Variants in TNFAIP1 observed in about 807,000 individuals in gnomAD.
TNFAIP1 encodes BTB/POZ domain-containing adapter for CUL3-mediated RhoA degradation protein 2.
In TNFAIP1, 20 loss-of-function variants were observed where a neutral mutation model predicts 32.6. The observed-to-expected ratio is 0.61, with a 90% CI of 0.43 to 0.89. TNFAIP1 has a LOEUF of 0.89. TNFAIP1 is among the 40% of genes least tolerant of loss of function. The probability of loss-of-function intolerance (pLI) is 0.00; values close to 1 mark genes in which losing one functional copy is unlikely to be tolerated. For missense variants in TNFAIP1, 319 were observed against 425.1 expected (o/e 0.75, Z 2.20); for synonymous variants, 166 against 166.8 (o/e 1.00, Z 0.04).
In TNFAIP1 at chr17:28,342,851, T is replaced by TA. The variant is rs144697716; in HGVS notation, c.714+410dup. On this transcript the variant is annotated intron_variant, in intron 6 of 6. Transcript: ENST00000226225. The surrounding 1 kb of genome is among the most constrained non-coding windows in gnomAD (Gnocchi z 4.0). ...TGAATTTAACGAGATATGAAAATGATACAACTCTTTGGAGCAGCAGTGTGG... is the reference window on the plus strand; with the variant it reads ...TGAATTTAACGAGATATGAAAATGATAACAACTCTTTGGAGCAGCAGTGTGG... Among the ~76,000 whole-genome samples the TA allele has an allele frequency of 3.4e-3, 519 of 152,324 alleles. 3 individuals are homozygous for TA. The highest frequency in any genetic ancestry group is 0.012 in the African/African-American group (493 of 41,556).
Position 28,342,533 on chromosome 17 carries a change from G to A in TNFAIP1, c.714+91G>A, listed in dbSNP as rs1320729411. 39 of 1,296,866 alleles carry A rather than the reference G, an allele frequency of 3.0e-5. No individual in the cohort carries two copies. Among genetic ancestry groups the A allele is most frequent in the Non-Finnish European group, 3.8e-5 (37 of 966,712 alleles). The allele number at this position is 1,296,866 out of a possible 1,614,324, so 80.3% of individuals were successfully genotyped here. ...GGCTGTGACCAGCACGGAGCAAAAG[G>A]GGCATGGACTTGGCTCTTTTTTCCA... On this transcript the variant is annotated intron_variant, in intron 6 of 6. Coordinates refer to ENST00000226225, the MANE Select transcript of TNFAIP1 (RefSeq NM_021137.5). This position sits in a 1 kb window ranked among gnomAD's most constrained non-coding sequence, Gnocchi z 4.0.
At chr17:28,343,281 C>G (rs1907430235) in intron 6 of TNFAIP1, among the ~76,000 whole-genome samples, 1 of 152,176 alleles carries the variant, frequency 6.6e-6, no homozygotes, top group South Asian at 2.1e-4. Context: ...GGTGGCCCCT[C>G]TCCCCCAGGC....
chr17:28,336,053 G>A (rs1344420786), intron 1 of TNFAIP1, among the ~76,000 whole-genome samples, 197 bp downstream of exon 1: 5 of 152,162 alleles, frequency 3.3e-5, no homozygotes, highest in Non-Finnish European at 4.4e-5. Flanking sequence ...CTAGAGAAGA[G>A]CCCACACCGG....
At chr17:28,341,111 T>A (rs1555578087) in intron 3 of TNFAIP1, 126 bp from the exon 4 acceptor site, 6 of 973,560 alleles carry the variant, frequency 6.2e-6, no homozygotes, top group African/African-American at 1.6e-5. Context: ...AGGGGCCTCA[T>A]GATCTGTATC....
intron 6 of TNFAIP1, among the ~76,000 whole-genome samples, chr17:28,343,518 C>T (rs1907437317): frequency 7.8e-6 from 1 of 128,718 alleles, no homozygotes; most frequent in Non-Finnish European, 1.6e-5. Context: ...GCCCTGCTTC[C>T]TTCTGCGGTT....
chr17:28,336,183 GTCCTTCT>G (rs1222232738), intron 1 of TNFAIP1, among the ~76,000 whole-genome samples: 17 of 152,294 alleles, frequency 1.1e-4, no homozygotes, highest in Non-Finnish European at 2.4e-4. Context: ...GGATTTCTGG[GTCCTTCT>G]TCCTTTTAGA....
chr17:28,338,175 T>C (rs1245793200), intron 1 of TNFAIP1, among the ~76,000 whole-genome samples: 1 of 152,198 alleles, frequency 6.6e-6, no homozygotes, highest in Non-Finnish European at 1.5e-5. Context: ...TCTTGCTATG[T>C]TGCCAAGGCT....
intron 1 of TNFAIP1, chr17:28,336,623 A>T (rs1555577475): frequency 6.6e-6 from 1 of 152,256 alleles, no homozygotes; most frequent in African/African-American, 2.4e-5. Flanking sequence ...GAACTTGCTA[A>T]TACCTGTTAG....
chr17:28,344,521 G>A lies in TNFAIP1; in HGVS notation c.872G>A (p.Arg291His), dbSNP rs539876938. ...GAGGAGACCTTTGAACTGCGGGACC[G>A]TGTCCGCCGCATCCACGTCAAGCGC... ...EDEETFELRD[R>H]VRRIHVKRYS... Residue 291 changes from arginine to histidine, a missense_variant, in exon 7 of 7, where the codon CGT (arginine) becomes CAT (histidine). By Grantham distance (29) the Arg-to-His change is conservative (BLOSUM62 0). Transcript: ENST00000226225. 1.1e-5 allele frequency: 18 copies of A among 1,613,806 alleles called. No individual in the cohort carries two copies. Among genetic ancestry groups the A allele is most frequent in the Admixed American group, 8.3e-5 (5 of 60,028 alleles).
At position 28,341,389 on chromosome 17, in the gene TNFAIP1, T is replaced by C. The variant is rs782537796; in HGVS notation, c.466-15T>C. On this transcript the variant is annotated splice_polypyrimidine_tract_variant and intron_variant, in intron 4 of 6. Coordinates refer to ENST00000226225, the MANE Select transcript of TNFAIP1 (RefSeq NM_021137.5). ...AGTCCCCTGGCCTGGCCCCTCACTC[T>C]GAACTCCTTCACAGCCCGTGGTGAA... is the stretch of plus-strand genomic sequence containing the variant. 1 of 1,614,228 alleles carries C rather than the reference T, an allele frequency of 6.2e-7. No individual in the cohort carries two copies. Among genetic ancestry groups the C allele is most frequent in the South Asian group, 1.1e-5 (1 of 91,090 alleles).
Position 28,346,453 on chromosome 17 carries a change from G to A in TNFAIP1, c.*1853G>A, listed in dbSNP as rs1907570651. On this transcript the variant is annotated 3_prime_UTR_variant, in exon 7 of 7. Coordinates refer to ENST00000226225, the MANE Select transcript of TNFAIP1 (RefSeq NM_021137.5). The stretch of plus-strand genomic sequence containing the variant: ...CAGCTCCCCACTGAGGTGTTGTGAT[G>A]CTTGCCTTTTGACCTCCCCATCCCC... The A allele has an allele frequency of 6.6e-6, 1 of 152,162 alleles. No individual in the cohort carries two copies. Among genetic ancestry groups the A allele is most frequent in the African/African-American group, 2.4e-5 (1 of 41,412 alleles). 9.4% of individuals were successfully genotyped at this position (152,162 alleles called of 1,614,324 possible).
chr17:28,342,616 C>T lies in TNFAIP1; in HGVS notation c.714+174C>T, dbSNP rs1270334189. 1.2e-5 allele frequency: 7 copies of T among 597,300 alleles called. No individual in the cohort carries two copies. The highest frequency in any genetic ancestry group is 1.9e-5 in the Non-Finnish European group (7 of 368,550). The allele number at this position is 597,300 out of a possible 1,614,324, so 37.0% of individuals were successfully genotyped here. A position where few individuals can be genotyped will look rare whatever the true frequency, so the allele number is the denominator to read the frequency against. Reference sequence around the variant, plus strand: ...CAGAACAAGGGGTGTGGGGAATGGACGGGAACTGCTTTGTTCCTGACAGCG... The same window carrying T: ...CAGAACAAGGGGTGTGGGGAATGGATGGGAACTGCTTTGTTCCTGACAGCG... On this transcript the variant is annotated intron_variant, in intron 6 of 6. Coordinates refer to ENST00000226225, the MANE Select transcript of TNFAIP1 (RefSeq NM_021137.5). This position sits in a 1 kb window ranked among gnomAD's most constrained non-coding sequence, Gnocchi z 4.0.
chr17:28,338,200 G>A (rs1907240947), intron 1 of TNFAIP1, among the ~76,000 whole-genome samples: 1 of 152,114 alleles, frequency 6.6e-6, no homozygotes, highest in African/African-American at 2.4e-5. Context: ...TTGACTCCTG[G>A]GCTCAAGAGA....
chr17:28,344,481 T>TC lies in TNFAIP1; in HGVS notation c.837dup (p.Ser280GlnfsTer2). ...CACAAGCCGTAGCCGCAGCCAGGCT[T>TC]CCCCCAGTGAAGATGAGGAGACCTT... On this transcript the variant is annotated frameshift_variant, in exon 7 of 7. Coordinates refer to ENST00000226225, the MANE Select transcript of TNFAIP1 (RefSeq NM_021137.5). LOFTEE classifies it high-confidence loss of function. 2 of 1,613,742 alleles carry TC rather than the reference T, an allele frequency of 1.2e-6. No homozygotes were observed. Among genetic ancestry groups the TC allele is most frequent in the Non-Finnish European group, 1.7e-6 (2 of 1,179,972 alleles).
chr17:28,344,673 C>T lies in TNFAIP1; in HGVS notation c.*73C>T. 1 of 1,455,066 alleles carries T rather than the reference C, an allele frequency of 6.9e-7. No individual in the cohort carries two copies. The highest frequency in any genetic ancestry group is 1.7e-5 in the Admixed American group (1 of 59,000). 90.1% of individuals were successfully genotyped at this position (1,455,066 alleles called of 1,614,324 possible). A position where few individuals can be genotyped will look rare whatever the true frequency, so the allele number is the denominator to read the frequency against. Reference sequence around the variant, plus strand: ...GTGGAACCCGCCCCATTGGCCACCCCATGCTGCTGCTGCCTGGGTCTCTGC... The same window carrying T: ...GTGGAACCCGCCCCATTGGCCACCCTATGCTGCTGCTGCCTGGGTCTCTGC... On this transcript the variant is annotated 3_prime_UTR_variant, in exon 7 of 7. Coordinates refer to ENST00000226225, the MANE Select transcript of TNFAIP1 (RefSeq NM_021137.5).
rs1431019467 is a variant in TNFAIP1 at position 28,345,767 on chromosome 17, G to C, written c.*1167G>C. 6.6e-6 allele frequency: 1 copy of C among 152,314 alleles called. No homozygotes were observed. Among genetic ancestry groups the C allele is most frequent in the Non-Finnish European group, 1.5e-5 (1 of 68,110 alleles). 9.4% of individuals were successfully genotyped at this position (152,314 alleles called of 1,614,324 possible). On this transcript the variant is annotated 3_prime_UTR_variant, in exon 7 of 7. Coordinates refer to ENST00000226225, the MANE Select transcript of TNFAIP1 (RefSeq NM_021137.5). ...GGCGGTTCTGCCCAGTGGTGTCTCT[G>C]AGCGCGGGATGACAGGAGCAACCGA...
At chr17:28,336,941 A>G (rs1758068696) in intron 1 of TNFAIP1, among the ~76,000 whole-genome samples, 1 of 152,234 alleles carries the variant, frequency 6.6e-6, no homozygotes, top group Non-Finnish European at 1.5e-5. Flanking sequence ...TGTGCTGAGC[A>G]CCATTAGGGG....
chr17:28,337,016 A>G (rs1443253531), intron 1 of TNFAIP1, among the ~76,000 whole-genome samples: 15 of 152,254 alleles, frequency 9.9e-5, no homozygotes, highest in African/African-American at 3.4e-4. Flanking sequence ...GGCATGAGCA[A>G]CTGTAAACTC....
intron 5 of TNFAIP1, 105 bp downstream of exon 5, chr17:28,341,561 T>C (rs1907364098): frequency 8.5e-6 from 11 of 1,299,170 alleles, no homozygotes; most frequent in Non-Finnish European, 1.2e-5. Flanking sequence ...GTCTTGGAAC[T>C]GGCTGTGCCA....
Sources: allele counts gnomAD v4.1 joint callset (sites outside exome capture counted in the v4.1 genomes callset), GRCh38; gene constraint gnomAD v4.1.1; non-coding constraint Gnocchi (gnomAD v3.1); transcripts MANE v1.5; gene names NCBI Gene and HGNC (gene_info 2026-07-23, HGNC 2026-07-21).